KCNQ5: variants seen among roughly 807,000 people sequenced by gnomAD.
KCNQ5 encodes the protein potassium voltage-gated channel subfamily Q member 5.
Under a neutral mutation model 98.2 loss-of-function variants are expected in KCNQ5, and 30 were observed. That is an observed-to-expected ratio of 0.31 (90% CI 0.23 to 0.41). The LOEUF is 0.41. Among genes scored for constraint, KCNQ5 ranks in the 10% least tolerant of loss-of-function variants. The pLI, the probability that KCNQ5 is intolerant of heterozygous loss-of-function variation, is 1.00. For synonymous variants in KCNQ5, 458 were observed against 449.4 expected (o/e 1.02, Z -0.24); for missense variants, 835 against 1,182.5 (o/e 0.71, Z 4.31).
chr6:72,644,478 C>T (rs998720067), intron 1 of KCNQ5, among the ~76,000 whole-genome samples: 4 of 152,058 alleles, frequency 2.6e-5, no homozygotes, highest in Non-Finnish European at 5.9e-5. Flanking sequence ...GGCTGGTCTG[C>T]ACATGTCTGC....
intron 1 of KCNQ5, among the ~76,000 whole-genome samples, chr6:72,701,416 A>G (rs932841061): frequency 6.6e-6 from 1 of 152,204 alleles, no homozygotes; most frequent in African/African-American, 2.4e-5. Flanking sequence ...ATTTTATGAT[A>G]TCGGTTTTGC....
At position 72,804,323 on chromosome 6, in the gene KCNQ5, A is replaced by G. The variant is rs1420667447; in HGVS notation, c.398+181736A>G. On this transcript the variant is annotated intron_variant, in intron 1 of 13. Coordinates refer to ENST00000370398, the MANE Select transcript of KCNQ5 (RefSeq NM_019842.4). ...CCATCCCCACTACCCCCACCCCTCC[A>G]CTGCCCTTCCCTAGTCTCTAATAAC... 4.9e-5 allele frequency among the ~76,000 whole-genome samples: 7 copies of G among 142,956 alleles called. No individual in the cohort carries two copies. In the Admixed American group the frequency reaches 5.2e-4, roughly 11 times the overall value. The allele number at this position is 142,956 out of a possible 152,430, so 93.8% of individuals were successfully genotyped here.
At position 73,133,585 on chromosome 6, in the gene KCNQ5, C is replaced by G. The variant is rs1776330351; in HGVS notation, c.1412C>G (p.Thr471Ser). The change falls in exon 10 of 14, where the codon ACC (threonine) becomes AGC (serine). Residue 471 changes from threonine to serine, a missense_variant. Transcript: ENST00000370398. ...VQKSWSFNDRTRFRPSLRLKS... is the reference protein window; with the variant it reads ...VQKSWSFNDRSRFRPSLRLKS... Reference sequence around the variant, plus strand: ...AAGAGCTGGAGCTTCAACGACCGAACCCGCTTCCGGCCCTCGCTGCGCCTC... The same window carrying G: ...AAGAGCTGGAGCTTCAACGACCGAAGCCGCTTCCGGCCCTCGCTGCGCCTC... 2.5e-6 allele frequency: 4 copies of G among 1,614,240 alleles called. No homozygotes were observed. The Admixed American group carries it at 6.7e-5, about 27-fold the overall frequency.
intron 1 of KCNQ5, among the ~76,000 whole-genome samples, chr6:72,637,331 A>G (rs950902227): frequency 2.6e-5 from 4 of 151,844 alleles, no homozygotes; most frequent in African/African-American, 7.3e-5. Context: ...ACTTAATTCT[A>G]TTACATGAAA....
chr6:72,728,381 G>C (rs749696205), intron 1 of KCNQ5, among the ~76,000 whole-genome samples: 2 of 151,968 alleles, frequency 1.3e-5, no homozygotes, highest in Non-Finnish European at 2.9e-5. Context: ...TCTTGATCTG[G>C]AGGCCTGTTA....
chr6:72,964,497 T>C (rs776188964), intron 1 of KCNQ5, among the ~76,000 whole-genome samples: 50 of 152,326 alleles, frequency 3.3e-4, no homozygotes, highest in Admixed American at 6.5e-4. Context: ...AAGACATTAT[T>C]TGTATATGAA....
intron 1 of KCNQ5, among the ~76,000 whole-genome samples, chr6:72,759,003 A>G (rs535755979): frequency 6.6e-6 from 1 of 152,286 alleles, no homozygotes; most frequent in South Asian, 2.1e-4. Flanking sequence ...GAAACTACAC[A>G]TTTAGTAAAG....
At chr6:73,157,917 G>T in intron 10 of KCNQ5, 2 of 774,368 alleles carry the variant, frequency 2.6e-6, no homozygotes, top group South Asian at 2.7e-5. Context: ...CTCCTGCCCC[G>T]CTGTCAAAGA....
At chr6:73,131,600 A>G (rs1776243535) in intron 9 of KCNQ5, among the ~76,000 whole-genome samples, 1 of 1,696 alleles carries the variant, frequency 5.9e-4, no homozygotes. Context: ...TTACAATTTA[A>G]AAAAAAAAAA....
intron 5 of KCNQ5, among the ~76,000 whole-genome samples, chr6:73,100,585 C>T (rs150381688): frequency 1.6e-4 from 24 of 151,684 alleles, no homozygotes; most frequent in Non-Finnish European, 2.7e-4. Flanking sequence ...AGGAGAATGG[C>T]GTGAACCCGG....
intron 2 of KCNQ5, among the ~76,000 whole-genome samples, chr6:73,029,904 CAA>C (rs56804434): frequency 2.3e-4 from 18 of 78,622 alleles, no homozygotes; most frequent in East Asian, 1.7e-3. Flanking sequence ...GACTCCGTCT[CAA>C]AAAAAAAAAA....
rs199625188 is a variant in KCNQ5, at chr6:73,130,475, A to AT, written c.1248-2936dup. Among the ~76,000 whole-genome samples, 535 of 150,220 alleles carry AT rather than the reference A, an allele frequency of 3.6e-3. 8 individuals carry two copies. The highest frequency in any genetic ancestry group is 6.6e-3 in the African/African-American group (272 of 41,006). ...GATGCTCCGATCAATGACCACAGCA[A>AT]TTTTTTTTTTACTTTCTGCAAAGCA... On this transcript the variant is annotated intron_variant, in intron 9 of 13. Transcript: ENST00000370398.
intron 5 of KCNQ5, among the ~76,000 whole-genome samples, chr6:73,080,624 G>T (rs1020046826): frequency 2.6e-5 from 4 of 152,132 alleles, no homozygotes; most frequent in Non-Finnish European, 4.4e-5. Context: ...TTAAAATTGC[G>T]CATGTTGCAC....
intron 3 of KCNQ5, among the ~76,000 whole-genome samples, chr6:73,056,248 GCCACTGC>G (rs1772483950): frequency 6.6e-6 from 1 of 152,178 alleles, no homozygotes. Context: ...CTGTAGTCAG[GCCACTGC>G]CTGGGGGCTC....
At chr6:72,997,319 G>A (rs1225250629) in intron 1 of KCNQ5, among the ~76,000 whole-genome samples, 3 of 151,996 alleles carry the variant, frequency 2.0e-5, no homozygotes, top group Admixed American at 2.0e-4. Flanking sequence ...TATGGGTTCT[G>A]TTGCCATCTC....
At position 73,194,533 on chromosome 6, in the gene KCNQ5, G is replaced by C; in HGVS notation, c.1918G>C (p.Ala640Pro). Reference sequence around the variant, plus strand: ...TCGGAAAGGCTCTGCCTCAGCCCTCGCTTTGGCTTCATTCCAGATCCCACC... The same window carrying C: ...TCGGAAAGGCTCTGCCTCAGCCCTCCCTTTGGCTTCATTCCAGATCCCACC... ...VLRKGSASAL[A>P]LASFQIPPFE... Residue 640 changes from alanine to proline, a missense_variant, in exon 14 of 14, where the codon GCT becomes CCT. Ala to Pro is a conservative substitution (Grantham distance 27, BLOSUM62 -1). Around this residue, in one of 10 missense-constraint regions of KCNQ5, gnomAD observed 416 missense variants for 446.9 expected, o/e 0.93. Coordinates refer to ENST00000370398, the MANE Select transcript of KCNQ5 (RefSeq NM_019842.4). The C allele has an allele frequency of 6.2e-7, 1 of 1,614,152 alleles. No homozygotes were observed. The highest frequency in any genetic ancestry group is 8.5e-7 in the Non-Finnish European group (1 of 1,180,034).
intron 1 of KCNQ5, among the ~76,000 whole-genome samples, chr6:72,757,734 A>G (rs974271956): frequency 1.3e-5 from 2 of 152,170 alleles, no homozygotes; most frequent in African/African-American, 4.8e-5. Context: ...TATGTCCTTC[A>G]TATACAAGAT....
chr6:72,976,742 G>A (rs190598041), intron 1 of KCNQ5, among the ~76,000 whole-genome samples: 47 of 152,266 alleles, frequency 3.1e-4, no homozygotes, highest in Non-Finnish European at 4.6e-4. Context: ...CAGCCAAGCA[G>A]CTTCACAATA....
At chr6:73,097,206 C>T (rs1245310028) in intron 5 of KCNQ5, among the ~76,000 whole-genome samples, 1 of 139,928 alleles carries the variant, frequency 7.1e-6, no homozygotes, top group Admixed American at 7.4e-5. Flanking sequence ...GGCTTTGTGT[C>T]CTTTGACCAT....
Sources: allele counts gnomAD v4.1 joint callset (sites outside exome capture counted in the v4.1 genomes callset), GRCh38; gene constraint gnomAD v4.1.1; regional missense constraint gnomAD v4.1.1; transcripts MANE v1.5; gene names NCBI Gene and HGNC (gene_info 2026-07-23, HGNC 2026-07-21).